FMNL2: variants seen among roughly 807,000 people sequenced by gnomAD.
FMNL2 encodes formin-like protein 2.
A neutral mutation model predicts 130.2 loss-of-function variants in FMNL2; 51 were observed. The ratio of observed to expected loss-of-function variants is 0.39; its 90% confidence interval spans 0.31 to 0.49. The LOEUF (loss-of-function observed/expected upper bound fraction) is 0.49. Ranked by LOEUF, FMNL2 falls within the 20% of genes least tolerant of loss-of-function variation. The pLI, the probability that FMNL2 is intolerant of heterozygous loss-of-function variation, is 0.85. For missense variants in FMNL2, 977 were observed against 1,316.2 expected (o/e 0.74, Z 3.99); for synonymous variants, 465 against 467.1 (o/e 1.00, Z 0.06).
intron 1 of FMNL2, among the ~76,000 whole-genome samples, chr2:152,418,097 T>C (rs1248959072): frequency 6.6e-6 from 1 of 152,088 alleles, no homozygotes; most frequent in Admixed American, 6.6e-5. Context: ...CTGCCTGCCT[T>C]AGACTCCCAA....
intron 1 of FMNL2, among the ~76,000 whole-genome samples, chr2:152,433,995 C>T (rs1235239997): frequency 6.6e-6 from 1 of 152,156 alleles, no homozygotes; most frequent in African/African-American, 2.4e-5. Flanking sequence ...CTATTAATGT[C>T]ATGCAAGGAG....
At chr2:152,337,276 A>G (rs1681526928) in intron 1 of FMNL2, among the ~76,000 whole-genome samples, 1 of 152,174 alleles carries the variant, frequency 6.6e-6, no homozygotes, top group Non-Finnish European at 1.5e-5. Flanking sequence ...TTCCAGAGAC[A>G]AACGTTTTTC....
At chr2:152,339,219 C>T (rs1029109111) in intron 1 of FMNL2, among the ~76,000 whole-genome samples, 2 of 151,776 alleles carry the variant, frequency 1.3e-5, no homozygotes, top group Non-Finnish European at 2.9e-5. Flanking sequence ...CATCGGCTAT[C>T]GTTAGTTTTT....
At chr2:152,466,242 G>T (rs1301296459) in intron 1 of FMNL2, among the ~76,000 whole-genome samples, 3 of 152,322 alleles carry the variant, frequency 2.0e-5, no homozygotes, top group Admixed American at 6.5e-5. Flanking sequence ...GTGCCCTCCT[G>T]CCCGCTGCGG....
At chr2:152,361,959 G>A (rs1477249304) in intron 1 of FMNL2, among the ~76,000 whole-genome samples, 1 of 152,048 alleles carries the variant, frequency 6.6e-6, no homozygotes, top group Non-Finnish European at 1.5e-5. Flanking sequence ...TTTCCCATTA[G>A]TACACATAAT....
intron 1 of FMNL2, among the ~76,000 whole-genome samples, chr2:152,503,722 G>T (rs899187570): frequency 6.6e-6 from 1 of 152,176 alleles, no homozygotes; most frequent in Admixed American, 6.5e-5. Flanking sequence ...GTTGGGTAAG[G>T]AGGGAACTGC....
At chr2:152,350,925 GTCCCA>G (rs1682445155) in intron 1 of FMNL2, among the ~76,000 whole-genome samples, 1 of 152,048 alleles carries the variant, frequency 6.6e-6, no homozygotes, top group African/African-American at 2.4e-5. Flanking sequence ...CGCACTTGTA[GTCCCA>G]GCTACTTGGG....
chr2:152,429,924 A>G (rs1260267653), intron 1 of FMNL2, among the ~76,000 whole-genome samples: 1 of 152,198 alleles, frequency 6.6e-6, no homozygotes, highest in Non-Finnish European at 1.5e-5. Context: ...GCATTTACAC[A>G]TCTATCTTGG....
intron 1 of FMNL2, among the ~76,000 whole-genome samples, chr2:152,396,366 G>T (rs535438682): frequency 6.6e-6 from 1 of 152,330 alleles, no homozygotes; most frequent in South Asian, 2.1e-4. Context: ...TAAATTTAGA[G>T]AACTGATTCG....
In FMNL2 at chr2:152,343,736, G is replaced by GT. The variant is rs1230024542; in HGVS notation, c.117+8024dup. ...CTCAGGAACCTGACTTCCCTTCCTT[G>GT]TTTTTTTTCTCTCCGTGGAAGTTTG... On this transcript the variant is annotated intron_variant, in intron 1 of 25. Coordinates refer to ENST00000288670, the MANE Select transcript of FMNL2 (RefSeq NM_052905.4). 4.6e-5 allele frequency among the ~76,000 whole-genome samples: 7 copies of GT among 152,042 alleles called. No individual in the cohort carries two copies. In the East Asian group the frequency reaches 5.8e-4, roughly 13 times the overall value.
At position 152,430,033 on chromosome 2, in the gene FMNL2, A is replaced by G. The variant is rs145790892; in HGVS notation, c.118-91910A>G. ...CGTAACAAACCTGCACATCCTGCAC[A>G]TGTACCCCTGAACTTAAAAACAAAA... is the stretch of plus-strand genomic sequence containing the variant. On this transcript the variant is annotated intron_variant, in intron 1 of 25. Transcript: ENST00000288670. Among the ~76,000 whole-genome samples the G allele has an allele frequency of 1.9e-3, 293 of 152,356 alleles. 3 individuals are homozygous for G. Among genetic ancestry groups the G allele is most frequent in the African/African-American group, 6.8e-3 (283 of 41,588 alleles).
intron 1 of FMNL2, among the ~76,000 whole-genome samples, chr2:152,403,450 A>G (rs2105971470): frequency 6.6e-6 from 1 of 152,144 alleles, no homozygotes; most frequent in East Asian, 1.9e-4. Flanking sequence ...GGATGTTTTT[A>G]TCCTTTGGGT....
In FMNL2 at chr2:152,435,676, G is replaced by C. The variant is rs552471354; in HGVS notation, c.118-86267G>C. Among the ~76,000 whole-genome samples the C allele has an allele frequency of 2.7e-4, 41 of 152,164 alleles. No homozygotes were observed. The South Asian group carries it at 8.1e-3, about 30-fold the overall frequency. On this transcript the variant is annotated intron_variant, in intron 1 of 25. Coordinates refer to ENST00000288670, the MANE Select transcript of FMNL2 (RefSeq NM_052905.4). ...CTCTAGAGCGTCTCTCTTGAATATA[G>C]AGATTCTAGCATTTTAATTTTGTTC...
Position 152,431,783 on chromosome 2 carries a change from T to C in FMNL2, c.118-90160T>C, listed in dbSNP as rs566086080. ...GAGTTGGAGACCAGCCCGGGCAACATAGGGAGACCTCATCTCTACAAAAAA... is the reference window on the plus strand; with the variant it reads ...GAGTTGGAGACCAGCCCGGGCAACACAGGGAGACCTCATCTCTACAAAAAA... On this transcript the variant is annotated intron_variant, in intron 1 of 25. Transcript: ENST00000288670. Among the ~76,000 whole-genome samples the C allele has an allele frequency of 8.6e-5, 13 of 151,702 alleles. No individual in the cohort carries two copies. In the East Asian group the frequency reaches 1.6e-3, roughly 18 times the overall value.
intron 1 of FMNL2, among the ~76,000 whole-genome samples, chr2:152,361,968 A>G (rs13023659): frequency 0.088 from 13,391 of 152,220 alleles, 658 homozygotes; most frequent in African/African-American, 0.14. Flanking sequence ...AGTACACATA[A>G]TATATTCTCA....
chr2:152,644,202 C>T (rs958778567), intron 25 of FMNL2, among the ~76,000 whole-genome samples: 2 of 152,150 alleles, frequency 1.3e-5, no homozygotes, highest in South Asian at 4.1e-4. Flanking sequence ...GCCTCGGCAA[C>T]AGAGTGAGAC....
chr2:152,363,204 AG>A (rs1683279303), intron 1 of FMNL2, among the ~76,000 whole-genome samples: 1 of 152,210 alleles, frequency 6.6e-6, no homozygotes, highest in Non-Finnish European at 1.5e-5. Context: ...AACTCAATAA[AG>A]CTGTTGTCCC....
intron 1 of FMNL2, among the ~76,000 whole-genome samples, chr2:152,337,092 C>T (rs1356076771): frequency 1.3e-5 from 2 of 152,102 alleles, no homozygotes; most frequent in Admixed American, 6.5e-5. Flanking sequence ...CTCTCTCTCC[C>T]GCCACCTGGA....
chr2:152,621,171 G>A, intron 15 of FMNL2: 3 of 980,020 alleles, frequency 3.1e-6, no homozygotes, highest in Non-Finnish European at 3.6e-6. Flanking sequence ...AGCCCCCAAG[G>A]CGCACTTGCT....
Sources: allele counts gnomAD v4.1 joint callset (sites outside exome capture counted in the v4.1 genomes callset), GRCh38; gene constraint gnomAD v4.1.1; transcripts MANE v1.5; gene names NCBI Gene and HGNC (gene_info 2026-07-23, HGNC 2026-07-21).